The following KCNH5 variants were observed in gnomAD, a reference collection of about 807,000 sequenced individuals.
The protein encoded by KCNH5 is potassium voltage-gated channel subfamily H member 5.
KCNH5 carries 46 observed loss-of-function variants against 96.1 expected under a neutral mutation model. The ratio of observed to expected loss-of-function variants is 0.48; its 90% confidence interval spans 0.38 to 0.61. The LOEUF (loss-of-function observed/expected upper bound fraction) is 0.61. KCNH5 is among the 20% of genes least tolerant of loss of function. The pLI, the probability that KCNH5 is intolerant of heterozygous loss-of-function variation, is 0.00. For synonymous variants in KCNH5, 439 were observed against 449.8 expected (o/e 0.98, Z 0.30); for missense variants, 907 against 1,225.8 (o/e 0.74, Z 3.88).
At chr14:62,825,262 G>A (rs946623982) in intron 8 of KCNH5, among the ~76,000 whole-genome samples, 12 of 152,066 alleles carry the variant, frequency 7.9e-5, no homozygotes, top group Non-Finnish European at 1.5e-4. Context: ...ATGTATATAT[G>A]TGTTTCCTGT....
intron 10 of KCNH5, among the ~76,000 whole-genome samples, chr14:62,762,316 G>T (rs1490661279): frequency 2.0e-5 from 3 of 152,108 alleles, no homozygotes; most frequent in Non-Finnish European, 4.4e-5. Context: ...AGCCTCCCGT[G>T]TGGTCCCTGC....
chr14:62,839,936 C>A (rs2140035833), intron 8 of KCNH5, among the ~76,000 whole-genome samples: 1 of 152,148 alleles, frequency 6.6e-6, no homozygotes, highest in South Asian at 2.1e-4. Flanking sequence ...TAAATGCAGT[C>A]TCTCCTTTTT....
At chr14:62,815,282 A>T (rs1025436002) in intron 8 of KCNH5, among the ~76,000 whole-genome samples, 1 of 152,156 alleles carries the variant, frequency 6.6e-6, no homozygotes, top group East Asian at 1.9e-4. Flanking sequence ...TGAGGGCCAG[A>T]GTTGGTTAAT....
intron 4 of KCNH5, among the ~76,000 whole-genome samples, chr14:62,993,340 T>G (rs997133604): frequency 2.0e-5 from 3 of 152,076 alleles, no homozygotes; most frequent in African/African-American, 7.2e-5. Flanking sequence ...ATTTTTCTAA[T>G]TCTGTAAAAA....
Position 62,967,591 on chromosome 14 carries a change from T to C in KCNH5, c.942+13281A>G, listed in dbSNP as rs574387463. ...CAAAGACAAACATATTCTTTATAAG[T>C]TAGTGTGTGTTGTGTGAAAGCAGGG... On this transcript the variant is annotated intron_variant, in intron 6 of 10. Coordinates refer to ENST00000322893, the MANE Select transcript of KCNH5 (RefSeq NM_139318.5). 2.3e-4 allele frequency among the ~76,000 whole-genome samples: 35 copies of C among 152,134 alleles called. 1 individual carries two copies. In the East Asian group the frequency reaches 6.6e-3, roughly 29 times the overall value.
chr14:62,805,838 G>A (rs1041288526), intron 8 of KCNH5, among the ~76,000 whole-genome samples: 88 of 152,086 alleles, frequency 5.8e-4, no homozygotes, highest in Non-Finnish European at 4.0e-4. Context: ...AATTAGACTC[G>A]TTAAGATGAG....
chr14:62,777,279 T>G (rs961373836), intron 10 of KCNH5, among the ~76,000 whole-genome samples: 1 of 152,186 alleles, frequency 6.6e-6, no homozygotes, highest in African/African-American at 2.4e-5. Flanking sequence ...GGTTTTAGAA[T>G]CATAGAGATG....
At position 62,738,807 on chromosome 14, in the gene KCNH5, T is replaced by C. The variant is rs60006056; in HGVS notation, c.2020-30352A>G. ...GCAGTTCGCAATCCAGTTAGAAATA[T>C]ACAGTCATATGCCTCAATACAAATT... On this transcript the variant is annotated intron_variant, in intron 10 of 10. Coordinates refer to ENST00000322893, the MANE Select transcript of KCNH5 (RefSeq NM_139318.5). 3.7e-3 allele frequency among the ~76,000 whole-genome samples: 563 copies of C among 152,206 alleles called. 12 individuals are homozygous for C. The East Asian group carries it at 0.065, about 17-fold the overall frequency.
intron 8 of KCNH5, among the ~76,000 whole-genome samples, chr14:62,824,595 A>AT (rs1440922122): frequency 1.3e-5 from 2 of 152,090 alleles, no homozygotes; most frequent in South Asian, 2.1e-4. Context: ...GTGAAGATTT[A>AT]TTTTTTATGA....
intron 1 of KCNH5, among the ~76,000 whole-genome samples, chr14:63,026,773 C>T (rs1566546024): frequency 6.6e-6 from 1 of 152,036 alleles, no homozygotes; most frequent in East Asian, 1.9e-4. Flanking sequence ...ATTAGTACAA[C>T]CATTATAGAA....
At chr14:62,872,129 T>A (rs1888268856) in intron 7 of KCNH5, among the ~76,000 whole-genome samples, 1 of 152,240 alleles carries the variant, frequency 6.6e-6, no homozygotes, top group Admixed American at 6.5e-5. Context: ...ACAATTTCAT[T>A]TCCTGGTCAT....
chr14:62,845,267 T>C (rs187382983), intron 8 of KCNH5, among the ~76,000 whole-genome samples: 34 of 152,320 alleles, frequency 2.2e-4, no homozygotes, highest in Middle Eastern at 3.4e-3. Context: ...TAAAGCTACA[T>C]CCAAAAGTAC....
chr14:62,803,828 C>G (rs1886712416), intron 8 of KCNH5, among the ~76,000 whole-genome samples: 1 of 152,148 alleles, frequency 6.6e-6, no homozygotes, highest in African/African-American at 2.4e-5. Context: ...TCCTCAAACC[C>G]CCTTTGTAAA....
chr14:62,921,115 A>C (rs1214742085), intron 7 of KCNH5, among the ~76,000 whole-genome samples: 1 of 152,098 alleles, frequency 6.6e-6, no homozygotes, highest in Non-Finnish European at 1.5e-5. Flanking sequence ...GTAGAGCTGC[A>C]AAACGTGTTT....
chr14:62,801,821 A>G (rs544759473), intron 9 of KCNH5, among the ~76,000 whole-genome samples: 1 of 152,226 alleles, frequency 6.6e-6, no homozygotes, highest in South Asian at 2.1e-4. Flanking sequence ...TCAGCTCACT[A>G]CTTAGGTTGA....
intron 7 of KCNH5, among the ~76,000 whole-genome samples, chr14:62,875,725 A>C (rs535697403): frequency 6.6e-6 from 1 of 152,356 alleles, no homozygotes; most frequent in East Asian, 1.9e-4. Context: ...TTATAAAGAT[A>C]CATGCATGTG....
chr14:62,758,034 A>G (rs993673351), intron 10 of KCNH5, among the ~76,000 whole-genome samples: 1 of 151,814 alleles, frequency 6.6e-6, no homozygotes, highest in Non-Finnish European at 1.5e-5. Context: ...AATCCCAGCT[A>G]CTCAGGAGGC....
chr14:62,702,122 C>T lies in KCNH5; in HGVS notation c.*5386G>A. On this transcript the variant is annotated 3_prime_UTR_variant, in exon 11 of 11. Transcript: ENST00000322893. ...GGCATTACCTCTTTAGGTTAAAATT[C>T]AACTGGAAAAGAAAATGTTGATACC... The T allele has an allele frequency of 6.6e-6, 1 of 151,984 alleles. No individual in the cohort carries two copies. The highest frequency in any genetic ancestry group is 1.9e-4 in the East Asian group (1 of 5,194). The allele number at this position is 151,984 out of a possible 1,614,324, so 9.4% of individuals were successfully genotyped here.
chr14:62,751,604 G>T (rs902675240), intron 10 of KCNH5, among the ~76,000 whole-genome samples: 2 of 152,168 alleles, frequency 1.3e-5, no homozygotes, highest in African/African-American at 4.8e-5. Context: ...TATAATTCAT[G>T]CCCAAGGCAT....
Sources: gnomAD v4.1 joint callset for allele counts (sites outside exome capture counted in the v4.1 genomes callset) on GRCh38, gnomAD v4.1.1 for gene constraint, MANE v1.5 for transcripts, NCBI Gene and HGNC (gene_info 2026-07-23, HGNC 2026-07-21) for gene names.